The following ANK3 variants were observed in gnomAD, a reference collection of about 807,000 sequenced individuals.
ANK3 encodes the protein ankyrin 3, also known as ankyrin-3.
ANK3 carries 57 observed loss-of-function variants against 370.9 expected under a neutral mutation model. The ratio of observed to expected loss-of-function variants is 0.15; its 90% CI spans 0.12 to 0.19. The LOEUF (loss-of-function observed/expected upper bound fraction) is 0.19, where lower values mean the gene tolerates loss of function less well. Ranked by LOEUF, ANK3 falls within the 10% of genes least tolerant of loss-of-function variation. The pLI, the probability that ANK3 is intolerant of heterozygous loss-of-function variation, is 1.00. For synonymous variants in ANK3, 1,929 were observed against 1,946.3 expected (o/e 0.99, Z 0.23); for missense variants, 4,439 against 5,302.1 (o/e 0.84, Z 5.06).
At chr10:60,233,894 A>G (rs1229300415) in intron 8 of ANK3, among the ~76,000 whole-genome samples, 1 of 152,188 alleles carries the variant, frequency 6.6e-6, no homozygotes, top group African/African-American at 2.4e-5. Context: ...ATACCCATCA[A>G]ATAACTATTT....
intron 2 of ANK3, among the ~76,000 whole-genome samples, chr10:60,439,936 C>A: frequency 6.6e-6 from 1 of 152,198 alleles, no homozygotes; most frequent in Non-Finnish European, 1.5e-5. Context: ...TAGCACATTT[C>A]ACTTCATGGA....
chr10:60,573,741 G>C (rs2077646604), intron 2 of ANK3, among the ~76,000 whole-genome samples: 1 of 152,136 alleles, frequency 6.6e-6, no homozygotes, highest in Non-Finnish European at 1.5e-5. Context: ...AAGGTTCTAG[G>C]AGCAACCACA....
At chr10:60,366,633 TG>T (rs2059422899) in intron 1 of ANK3, among the ~76,000 whole-genome samples, 1 of 144,822 alleles carries the variant, frequency 6.9e-6, no homozygotes, top group Non-Finnish European at 1.5e-5. Context: ...TGAGGGGGCT[TG>T]GGGAGGAAGG....
At chr10:60,068,298 A>G (rs1436054315) in intron 37 of ANK3, among the ~76,000 whole-genome samples, 1 of 152,180 alleles carries the variant, frequency 6.6e-6, no homozygotes, top group East Asian at 1.9e-4. Context: ...AAACACCATG[A>G]TGGGATTTCA....
chr10:60,201,676 A>C (rs2096675860), intron 12 of ANK3, among the ~76,000 whole-genome samples: 1 of 151,656 alleles, frequency 6.6e-6, no homozygotes, highest in South Asian at 2.1e-4. Context: ...CACATTAAAG[A>C]GAGACTACCT....
intron 2 of ANK3, among the ~76,000 whole-genome samples, chr10:60,432,714 G>C (rs958367225): frequency 4.6e-5 from 7 of 152,184 alleles, no homozygotes; most frequent in African/African-American, 7.2e-5. Context: ...ACATTCAGGT[G>C]GAGGCCTAGG....
chr10:60,641,790 T>C (rs2078636943), intron 1 of ANK3, among the ~76,000 whole-genome samples: 1 of 152,038 alleles, frequency 6.6e-6, no homozygotes, highest in South Asian at 2.1e-4. Context: ...TGGGATCTAA[T>C]TAAACTAAAG....
At position 60,074,081 on chromosome 10, in the gene ANK3, A is replaced by G. The variant is rs1400732154; in HGVS notation, c.6800T>C (p.Ile2267Thr). 12 of 1,614,094 alleles carry G rather than the reference A, an allele frequency of 7.4e-6. No individual in the cohort carries two copies. The highest frequency in any genetic ancestry group is 8.5e-6 in the Non-Finnish European group (10 of 1,179,996). ...GTCATGGACTGACATGGTTTCTTCAATTCTTTCAGATGCACCTTCACCGCC... is the reference window on the plus strand; with the variant it reads ...GTCATGGACTGACATGGTTTCTTCAGTTCTTTCAGATGCACCTTCACCGCC... ...PPGGEGASER[I>T]EETMSVHDIM... Residue 2267 changes from isoleucine (I) to threonine (T), a missense_variant, in exon 37 of 44, where the codon ATT (isoleucine) becomes ACT (threonine). This residue lies in a region of ANK3 where 1,601 missense variants were observed against 1,731.7 expected (regional missense o/e 0.92). Transcript: ENST00000280772.
chr10:60,568,471 AC>A (rs1455879628), intron 2 of ANK3, among the ~76,000 whole-genome samples: 1 of 152,252 alleles, frequency 6.6e-6, no homozygotes, highest in Non-Finnish European at 1.5e-5. Context: ...GCACTGGGAA[AC>A]CAAAAAATGT....
intron 9 of ANK3, among the ~76,000 whole-genome samples, chr10:60,210,579 C>G (rs2096837430): frequency 6.6e-6 from 1 of 152,284 alleles, no homozygotes; most frequent in South Asian, 2.1e-4. Context: ...CAGAGGGAGA[C>G]TTCTGATCAA....
intron 1 of ANK3, among the ~76,000 whole-genome samples, chr10:60,691,577 G>T (rs2079353649): frequency 6.6e-6 from 1 of 152,170 alleles, no homozygotes; most frequent in African/African-American, 2.4e-5. Context: ...AGGACATTTT[G>T]CCCTACAGAG....
At position 60,186,877 on chromosome 10, in the gene ANK3, C is replaced by T; in HGVS notation, c.1923G>A (p.Lys641=). Residue 641 remains lysine (K), a synonymous_variant, in exon 17 of 44, where the codon AAG becomes AAA. Coordinates refer to ENST00000280772, the MANE Select transcript of ANK3 (RefSeq NM_020987.5). ...GYTPLHIAAK[K]NQMDIATTLL... ...GAGTTGTCGCTATGTCCATCTGGTT[C>T]TTTTTGGCAGCGATGTGCAGTGGCG... 6.2e-7 allele frequency: 1 copy of T among 1,614,142 alleles called. No individual in the cohort carries two copies. Among genetic ancestry groups the T allele is most frequent in the South Asian group, 1.1e-5 (1 of 91,082 alleles).
At chr10:60,106,795 C>T (rs930953064) in intron 27 of ANK3, among the ~76,000 whole-genome samples, 24 of 152,102 alleles carry the variant, frequency 1.6e-4, no homozygotes, top group Admixed American at 7.2e-4. Context: ...AATCAAGCCA[C>T]GGGAAATAAT....
intron 2 of ANK3, among the ~76,000 whole-genome samples, chr10:60,430,044 T>G (rs897530428): frequency 2.6e-5 from 4 of 152,244 alleles, no homozygotes; most frequent in Non-Finnish European, 5.9e-5. Context: ...TAAACAATCA[T>G]ATGAAGTTAT....
chr10:60,602,269 A>G (rs1197548300), intron 2 of ANK3, among the ~76,000 whole-genome samples: 2 of 152,140 alleles, frequency 1.3e-5, no homozygotes, highest in Non-Finnish European at 2.9e-5. Flanking sequence ...TCTTCAGATG[A>G]AATTTCACCA....
intron 7 of ANK3, among the ~76,000 whole-genome samples, chr10:60,256,507 T>C (rs910166980): frequency 1.1e-4 from 16 of 152,196 alleles, no homozygotes; most frequent in African/African-American, 3.9e-4. Flanking sequence ...AACCTTTATA[T>C]TCAGGAGGTA....
At chr10:60,161,353 C>T (rs1472433154) in intron 23 of ANK3, among the ~76,000 whole-genome samples, 8 of 151,808 alleles carry the variant, frequency 5.3e-5, no homozygotes, top group Admixed American at 5.3e-4. Context: ...GAATAGAATA[C>T]CATATGATCC....
At chr10:60,284,177 C>T (rs1036353430) in intron 1 of ANK3, among the ~76,000 whole-genome samples, 4 of 152,072 alleles carry the variant, frequency 2.6e-5, no homozygotes, top group East Asian at 1.9e-4. Context: ...ACTTGACTTA[C>T]GCTACCTCAA....
In ANK3 at chr10:60,219,544, T is replaced by G. The variant is rs556423089; in HGVS notation, c.898-6034A>C. 1.8e-4 allele frequency among the ~76,000 whole-genome samples: 28 copies of G among 152,262 alleles called. No homozygotes were observed. The East Asian group carries it at 4.3e-3, about 23-fold the overall frequency. ...TTTCTTAGTACTAGGGCAGAAGGAA[T>G]GTGTGTTAAAGGATCAGTGGGAAGG... On this transcript the variant is annotated intron_variant, in intron 8 of 43. Transcript: ENST00000280772.
Sources: allele counts gnomAD v4.1 joint callset (sites outside exome capture counted in the v4.1 genomes callset), GRCh38; gene constraint gnomAD v4.1.1; regional missense constraint gnomAD v4.1.1; transcripts MANE v1.5; gene names NCBI Gene and HGNC (gene_info 2026-07-23, HGNC 2026-07-21).